SPEG: variants seen among roughly 807,000 people sequenced by gnomAD.
SPEG encodes the protein striated muscle enriched protein kinase.
A neutral mutation model predicts 300.4 loss-of-function variants in SPEG; 114 were observed. The ratio of observed to expected loss-of-function variants is 0.38; its 90% CI spans 0.33 to 0.44. The LOEUF is 0.44. Among genes scored for constraint, SPEG ranks in the 20% least tolerant of loss-of-function variants. The pLI, the probability that SPEG is intolerant of heterozygous loss-of-function variation, is 1.00. For missense variants in SPEG, 4,201 were observed against 4,586.2 expected, an observed-to-expected ratio of 0.92 and a Z score of 2.43; for synonymous variants, 1,964 against 2,018.9, an observed-to-expected ratio of 0.97 and a Z score of 0.73.
At chr2:219,468,783 G>A (rs2125464437) in intron 11 of SPEG, 47 bp downstream of exon 11, 1 of 1,610,068 alleles carries the variant, frequency 6.2e-7, no homozygotes, top group Middle Eastern at 1.7e-4. Context: ...CAAGGGCCCA[G>A]GCGGCGATGG....
At position 219,477,223 on chromosome 2, in the gene SPEG, C is replaced by T. The variant is rs951523164; in HGVS notation, c.4561-54C>T. ...CCAGAGTAGGAGATGAGGCCCTGGCCCCAAGGTAGAGATGAGGCCAGGCCC... is the reference window on the plus strand; with the variant it reads ...CCAGAGTAGGAGATGAGGCCCTGGCTCCAAGGTAGAGATGAGGCCAGGCCC... On this transcript the variant is annotated intron_variant, in intron 19 of 40. Coordinates refer to ENST00000312358, the MANE Select transcript of SPEG (RefSeq NM_005876.5). This position sits in a 1 kb window ranked among gnomAD's most constrained non-coding sequence, Gnocchi z 6.4. The T allele has an allele frequency of 1.2e-4, 185 of 1,557,052 alleles. No homozygotes were observed. In the Admixed American group the frequency reaches 2.7e-3, roughly 23 times the overall value.
intron 6 of SPEG, 142 bp from the exon 7 acceptor site, chr2:219,461,740 G>T (rs1460038760): frequency 3.1e-6 from 3 of 966,638 alleles, no homozygotes; most frequent in Non-Finnish European, 4.7e-6. Flanking sequence ...GGGCGAGGTC[G>T]CAGGAGCCTG....
At chr2:219,438,984 G>A (rs1476753110) in intron 1 of SPEG, among the ~76,000 whole-genome samples, 1 of 152,198 alleles carries the variant, frequency 6.6e-6, no homozygotes, top group Non-Finnish European at 1.5e-5. Context: ...AAGTAGTATG[G>A]AGCTGGGAAT....
chr2:219,491,024 C>A (rs1693923982), intron 38 of SPEG, 68 bp downstream of exon 38: 1 of 1,222,796 alleles, frequency 8.2e-7, no homozygotes, highest in Non-Finnish European at 1.2e-6. Context: ...CCAGGGCTCA[C>A]CCCACTTCAC....
rs1257134952 is a variant in SPEG at position 219,458,986 on chromosome 2, C to T, written c.2441-2896C>T. ...TTCGCAGTGGTGGCTGCAACTCTGT[C>T]TATTGTGAGAACACATCAGGGGACG... On this transcript the variant is annotated intron_variant, in intron 6 of 40. Transcript: ENST00000312358. This position sits in a 1 kb window ranked among gnomAD's most constrained non-coding sequence, Gnocchi z 4.2. Among the ~76,000 whole-genome samples the T allele has an allele frequency of 6.6e-6, 1 of 152,196 alleles. No individual in the cohort carries two copies. The highest frequency in any genetic ancestry group is 1.5e-5 in the Non-Finnish European group (1 of 68,038).
Position 219,481,961 on chromosome 2 carries a change from C to A in SPEG, c.5565+281C>A. On this transcript the variant is annotated intron_variant, in intron 28 of 40. Transcript: ENST00000312358. This position sits in a 1 kb window ranked among gnomAD's most constrained non-coding sequence, Gnocchi z 5.4. ...CATCCTGGGCGTCCTCAGTGGAGTT[C>A]TCCCCCATGCTTGAGACCAGACCCT... is the stretch of plus-strand genomic sequence containing the variant. 1.8e-6 allele frequency: 1 copy of A among 562,310 alleles called. No individual in the cohort carries two copies. The highest frequency in any genetic ancestry group is 3.2e-6 in the Non-Finnish European group (1 of 313,112). The allele number at this position is 562,310 out of a possible 1,614,324, so 34.8% of individuals were successfully genotyped here.
chr2:219,449,644 C>A lies in SPEG; in HGVS notation c.2113+373C>A, dbSNP rs190088098. 6.0e-3 allele frequency among the ~76,000 whole-genome samples: 913 copies of A among 152,208 alleles called. 11 individuals are homozygous for A. The highest frequency in any genetic ancestry group is 0.021 in the African/African-American group (877 of 41,510). On this transcript the variant is annotated intron_variant, in intron 4 of 40. Transcript: ENST00000312358. The stretch of plus-strand genomic sequence containing the variant: ...GATGCACTGGTGGGAACCTAAGGAC[C>A]CCCCTCCATACCCCCAATCCCTCTG...
At position 219,443,761 on chromosome 2, in the gene SPEG, T is replaced by C. The variant is rs985017301; in HGVS notation, c.389-892T>C. 2 of 360,386 alleles carry C rather than the reference T, an allele frequency of 5.5e-6. No individual in the cohort carries two copies. The highest frequency in any genetic ancestry group is 7.4e-5 in the East Asian group (1 of 13,558). The allele number at this position is 360,386 out of a possible 1,614,324, so 22.3% of individuals were successfully genotyped here. ...ACAAGCAGGTGTGTGTGTGTGTGTG[T>C]GCATGTGTGTGTGTGGCCAGTGGCA... On this transcript the variant is annotated intron_variant, in intron 1 of 40. Coordinates refer to ENST00000312358, the MANE Select transcript of SPEG (RefSeq NM_005876.5). The surrounding 1 kb of genome is among the most constrained non-coding windows in gnomAD (Gnocchi z 4.6).
At chr2:219,463,420 TTTTTTTTTTTA>T (rs1189877346) in intron 8 of SPEG, among the ~76,000 whole-genome samples, 21 of 111,406 alleles carry the variant, frequency 1.9e-4, no homozygotes, top group Admixed American at 3.7e-4. Flanking sequence ...TTTTTTTTTT[TTTTTTTTTTTA>T]GCTGGAGTTT....
intron 10 of SPEG, among the ~76,000 whole-genome samples, chr2:219,468,311 G>C (rs1444749615): frequency 1.3e-5 from 2 of 151,796 alleles, no homozygotes; most frequent in African/African-American, 4.8e-5. Context: ...GAGGAGGGGG[G>C]AGCTGGGGCC....
intron 3 of SPEG, 111 bp from the exon 4 acceptor site, chr2:219,447,852 ATCTGGCCCATG>A: frequency 1.2e-6 from 1 of 866,666 alleles, no homozygotes; most frequent in Non-Finnish European, 1.8e-6. Flanking sequence ...GGGCAGGAGG[ATCTGGCCCATG>A]TCACCCCCAA....
In SPEG at chr2:219,458,196, A is replaced by G. The variant is rs568867736; in HGVS notation, c.2441-3686A>G. On this transcript the variant is annotated intron_variant, in intron 6 of 40. Transcript: ENST00000312358. The surrounding 1 kb of genome is among the most constrained non-coding windows in gnomAD (Gnocchi z 4.2). ...GTGAGGTGGCAGTGAGTAGGCAGAG[A>G]GCCCCATGACTTTTCAAGCCCTTGA... 4.6e-5 allele frequency among the ~76,000 whole-genome samples: 7 copies of G among 152,182 alleles called. No homozygotes were observed. The East Asian group carries it at 1.2e-3, about 25-fold the overall frequency.
intron 9 of SPEG, chr2:219,466,624 C>G (rs1179502720): frequency 1.0e-6 from 1 of 1,003,584 alleles, no homozygotes; most frequent in East Asian, 1.1e-4. Flanking sequence ...TCACAAAAGA[C>G]CAAAAGCCAG....
chr2:219,462,155 G>A (rs932922194), intron 7 of SPEG, 98 bp downstream of exon 7: 1 of 1,205,416 alleles, frequency 8.3e-7, no homozygotes, highest in Non-Finnish European at 1.2e-6. Flanking sequence ...ATCAAGACCT[G>A]GAACTTTGCT....
chr2:219,485,204 G>T, intron 30 of SPEG, 132 bp downstream of exon 30: 1 of 1,483,366 alleles, frequency 6.7e-7, no homozygotes, highest in Non-Finnish European at 9.1e-7. Context: ...GAATCAGCAG[G>T]GCTGGAGGGG....
chr2:219,434,903 T>C lies in SPEG; in HGVS notation c.-75T>C. ...AGGCCGCCGGCCCCCCAGACTTGTC[T>C]CCTAGGGCACCGTCCCGCGGGTGCC... is the stretch of plus-strand genomic sequence containing the variant. On this transcript the variant is annotated 5_prime_UTR_variant, in exon 1 of 41. Transcript: ENST00000312358. 3.6e-6 allele frequency: 4 copies of C among 1,112,542 alleles called. No individual in the cohort carries two copies. The highest frequency in any genetic ancestry group is 4.9e-6 in the Non-Finnish European group (4 of 817,948). 68.9% of individuals were successfully genotyped at this position (1,112,542 alleles called of 1,614,324 possible).
chr2:219,452,735 C>T (rs114436734), intron 6 of SPEG, among the ~76,000 whole-genome samples: 2,454 of 152,136 alleles, frequency 0.016, 20 homozygotes, highest in South Asian at 0.044. Context: ...GATTTTAGAC[C>T]GGCACGGGGA....
At chr2:219,450,692 G>A (rs1372856946) in intron 4 of SPEG, 2 of 153,182 alleles carry the variant, frequency 1.3e-5, no homozygotes, top group Admixed American at 6.5e-5. Flanking sequence ...AATTCACCTC[G>A]TGTTGCTCTG....
Position 219,471,947 on chromosome 2 carries a change from G to A in SPEG, c.3795G>A (p.Lys1265=). 6.2e-7 allele frequency: 1 copy of A among 1,613,758 alleles called. No homozygotes were observed. The highest frequency in any genetic ancestry group is 8.5e-7 in the Non-Finnish European group (1 of 1,179,998). The change falls in exon 14 of 41, where the codon AAG becomes AAA. Residue 1265 remains lysine, a synonymous_variant. Coordinates refer to ENST00000312358, the MANE Select transcript of SPEG (RefSeq NM_005876.5). ...AGVYKSVIAN[K]LGKAACYAHL... ...TCTACAAGAGCGTCATTGCCAACAAGCTGGGCAAAGCTGCCTGCTATGCCC... is the reference window on the plus strand; with the variant it reads ...TCTACAAGAGCGTCATTGCCAACAAACTGGGCAAAGCTGCCTGCTATGCCC...
Sources: allele counts gnomAD v4.1 joint callset (sites outside exome capture counted in the v4.1 genomes callset), GRCh38; gene constraint gnomAD v4.1.1; non-coding constraint Gnocchi (gnomAD v3.1); transcripts MANE v1.5; gene names NCBI Gene and HGNC (gene_info 2026-07-23, HGNC 2026-07-21).